The following TCOF1 variants were observed in gnomAD, a reference collection of about 807,000 sequenced individuals.
TCOF1 encodes the protein treacle protein.
A neutral mutation model predicts 149.0 loss-of-function variants in TCOF1; 33 were observed. The ratio of observed to expected loss-of-function variants is 0.22; its 90% CI spans 0.17 to 0.30. The LOEUF (loss-of-function observed/expected upper bound fraction) is 0.30, where lower values mean the gene tolerates loss of function less well. Ranked by LOEUF, TCOF1 falls within the 10% of genes least tolerant of loss-of-function variation. The pLI is 1.00. For synonymous variants in TCOF1, 789 were observed against 738.8 expected, an observed-to-expected ratio of 1.07 and a Z score of -1.10; for missense variants, 1,728 against 1,840.7, an observed-to-expected ratio of 0.94 and a Z score of 1.12.
intron 14 of TCOF1, among the ~76,000 whole-genome samples, chr5:150,377,518 G>A (rs1764085561): frequency 6.6e-6 from 1 of 152,132 alleles, no homozygotes; most frequent in Admixed American, 6.5e-5. Flanking sequence ...ATTTTTAATT[G>A]TCGCTCTGTT....
chr5:150,358,180 C>A (rs1358104353), intron 1 of TCOF1, among the ~76,000 whole-genome samples: 1 of 152,058 alleles, frequency 6.6e-6, no homozygotes, highest in African/African-American at 2.4e-5. Flanking sequence ...TCTCCCGCCA[C>A]GTGGCTAGGC....
chr5:150,371,239 C>G (rs1298089217), intron 6 of TCOF1, among the ~76,000 whole-genome samples: 8 of 152,122 alleles, frequency 5.3e-5, no homozygotes, highest in African/African-American at 1.9e-4. Context: ...AAAGCTCACC[C>G]CCATCTACCC....
chr5:150,378,629 A>T (rs1238219353), intron 14 of TCOF1: 1 of 484,142 alleles, frequency 2.1e-6, no homozygotes, highest in Non-Finnish European at 3.7e-6. Context: ...ACGCACAATG[A>T]GTTTGAGTGT....
chr5:150,390,089 A>G (rs771972487), intron 19 of TCOF1, 66 bp downstream of exon 19: 34 of 1,552,022 alleles, frequency 2.2e-5, no homozygotes, highest in Non-Finnish European at 2.8e-5. Context: ...ATACTTACCC[A>G]CATGTGCTGA....
chr5:150,398,818 C>T (rs578248296), intron 25 of TCOF1, among the ~76,000 whole-genome samples: 4 of 152,348 alleles, frequency 2.6e-5, no homozygotes, highest in African/African-American at 9.6e-5. Flanking sequence ...CTTAGCACCT[C>T]AGACACAGAT....
chr5:150,389,337 G>A (rs1023494521), intron 18 of TCOF1, among the ~76,000 whole-genome samples: 2 of 152,084 alleles, frequency 1.3e-5, no homozygotes. Context: ...ATGACATCGG[G>A]TTTTTTTCAT....
chr5:150,373,389 A>T (rs539155602), intron 7 of TCOF1, among the ~76,000 whole-genome samples: 1 of 152,352 alleles, frequency 6.6e-6, no homozygotes, highest in South Asian at 2.1e-4. Context: ...GTTGGCTCAA[A>T]AATTTAAAAA....
intron 2 of TCOF1, among the ~76,000 whole-genome samples, chr5:150,361,788 C>T (rs1371127929): frequency 6.6e-6 from 1 of 152,046 alleles, no homozygotes; most frequent in African/African-American, 2.4e-5. Flanking sequence ...TAGAGAGTGG[C>T]AGGTGGAGTG....
At chr5:150,398,027 A>T (rs1222803815) in intron 24 of TCOF1, among the ~76,000 whole-genome samples, 5 of 152,302 alleles carry the variant, frequency 3.3e-5, no homozygotes, top group Non-Finnish European at 7.4e-5. Flanking sequence ...AGCTCAAGCG[A>T]TCCTCTTGCT....
intron 21 of TCOF1, 93 bp downstream of exon 21, chr5:150,392,269 A>C: frequency 1.5e-5 from 19 of 1,307,970 alleles, no homozygotes; most frequent in Non-Finnish European, 2.0e-5. Context: ...TCCATATCTC[A>C]GACTCATTCT....
rs1351645349 is a variant in TCOF1, at chr5:150,375,530, G to T, written c.1680G>T (p.Val560=). The change falls in exon 11 of 27, where the codon GTG becomes GTT. Residue 560 remains valine, a synonymous_variant. Transcript: ENST00000643257. ...EESSDSSDGE[V]PTAVAPAQEK... ...CATCAGACAGCAGTGATGGAGAGGT[G>T]CCCACAGCTGTGGCCCCGGCTCAGG... 6.2e-7 allele frequency: 1 copy of T among 1,613,992 alleles called. No individual in the cohort carries two copies. Among genetic ancestry groups the T allele is most frequent in the Non-Finnish European group, 8.5e-7 (1 of 1,179,998 alleles).
rs368282712 is a variant in TCOF1 at position 150,375,503 on chromosome 5, G to A, written c.1653G>A (p.Glu551=). The A allele has an allele frequency of 5.0e-6, 8 of 1,614,084 alleles. No individual in the cohort carries two copies. The African/African-American group carries it at 5.3e-5, about 11-fold the overall frequency. Residue 551 remains glutamate, a synonymous_variant, in exon 11 of 27, where the codon GAG becomes GAA. Coordinates refer to ENST00000643257, the MANE Select transcript of TCOF1 (RefSeq NM_001371623.1). ...AGGACTCAGAGAGCAGTAGTGAGGA[G>A]TCATCAGACAGCAGTGATGGAGAGG... The part of the protein sequence containing the change: ...WEEDSESSSE[E]SSDSSDGEVP...
In TCOF1 at chr5:150,382,164, C is replaced by CA. The variant is rs113606745; in HGVS notation, c.2859+2442dup. On this transcript the variant is annotated intron_variant, in intron 17 of 26. Coordinates refer to ENST00000643257, the MANE Select transcript of TCOF1 (RefSeq NM_001371623.1). ...GAGTGAGCAGAGCAAGACTCCATCTCAAAAAAAAAAGAGATTAGGGGGTAG... is the reference window on the plus strand; with the variant it reads ...GAGTGAGCAGAGCAAGACTCCATCTCAAAAAAAAAAAGAGATTAGGGGGTAG... 2.1e-3 allele frequency among the ~76,000 whole-genome samples: 305 copies of CA among 147,546 alleles called. 2 individuals carry two copies. Among genetic ancestry groups the CA allele is most frequent in the African/African-American group, 6.4e-3 (259 of 40,344 alleles).
chr5:150,392,979 C>G lies in TCOF1; in HGVS notation c.3603+189C>G, dbSNP rs1767751690. On this transcript the variant is annotated intron_variant, in intron 22 of 26. Transcript: ENST00000643257. ...AGACCACAGCCAGGCTGCCTCCGTC[C>G]CCTCATAGAGCCCTGAGTAGCTGAC... The G allele has an allele frequency of 1.6e-5, 11 of 703,584 alleles. 1 individual carries two copies. In the East Asian group the frequency reaches 3.0e-4, roughly 19 times the overall value. 43.6% of individuals were successfully genotyped at this position (703,584 alleles called of 1,614,324 possible). A position where few individuals can be genotyped will look rare whatever the true frequency, so the allele number is the denominator to read the frequency against.
chr5:150,376,280 G>A lies in TCOF1; in HGVS notation c.2092G>A (p.Glu698Lys). 6.2e-7 allele frequency: 1 copy of A among 1,614,190 alleles called. No individual in the cohort carries two copies. Among genetic ancestry groups the A allele is most frequent in the Non-Finnish European group, 8.5e-7 (1 of 1,180,026 alleles). ...AGCAGAGGATTCTTCAAGCAGTGAG[G>A]AATCAGATAGTGAGGAAGAGAAGAC... ...RPAEDSSSSE[E>K]SDSEEEKTGL... Residue 698 changes from glutamate to lysine, a missense_variant, in exon 13 of 27, where the codon GAA becomes AAA. Transcript: ENST00000643257.
intron 19 of TCOF1, among the ~76,000 whole-genome samples, chr5:150,390,367 T>G (rs1279355221): frequency 5.3e-5 from 8 of 152,212 alleles, no homozygotes; most frequent in Admixed American, 4.6e-4. Flanking sequence ...TTTGTAATAG[T>G]GACTTCAGCA....
intron 17 of TCOF1, among the ~76,000 whole-genome samples, chr5:150,381,823 G>GC (rs1426886822): frequency 6.6e-6 from 1 of 152,210 alleles, no homozygotes; most frequent in Non-Finnish European, 1.5e-5. Flanking sequence ...CTTTAGCTGA[G>GC]CGTCAGTGGT....
At position 150,368,821 on chromosome 5, in the gene TCOF1, G is replaced by A. The variant is rs145775767; in HGVS notation, c.484G>A (p.Glu162Lys). The A allele has an allele frequency of 3.8e-5, 61 of 1,613,972 alleles. No individual in the cohort carries two copies. In the African/African-American group the frequency reaches 6.9e-4, roughly 18 times the overall value. ...LSGKSPRKSA[E>K]PSANTTLVSE... ...TGGGAAGTCTCCCAGGAAGTCAGCA[G>A]AGCCCTCAGCAAATACTACGTTGGT... The change falls in exon 5 of 27, where the codon GAG (glutamate) becomes AAG (lysine). Residue 162 changes from glutamate (E) to lysine (K), a missense_variant. Glu to Lys is a moderately conservative substitution (Grantham distance 56). Around this residue, in one of 2 missense-constraint regions of TCOF1, gnomAD observed 1,696 missense variants for 1,765.4 expected, o/e 0.96. Transcript: ENST00000643257.
chr5:150,393,667 G>A, intron 23 of TCOF1, 115 bp downstream of exon 23: 1 of 1,394,664 alleles, frequency 7.2e-7, no homozygotes, highest in Non-Finnish European at 9.9e-7. Context: ...TGCCCCCAGA[G>A]CCTCTCCAAG....
Sources: allele counts gnomAD v4.1 joint callset (sites outside exome capture counted in the v4.1 genomes callset), GRCh38; gene constraint gnomAD v4.1.1; regional missense constraint gnomAD v4.1.1; transcripts MANE v1.5; gene names NCBI Gene and HGNC (gene_info 2026-07-23, HGNC 2026-07-21).